ANKRD18B: variants seen among roughly 807,000 people sequenced by gnomAD.
ANKRD18B encodes ankyrin repeat domain 18B, also known as ankyrin repeat domain-containing protein 18B.
A neutral mutation model predicts 111.8 loss-of-function variants in ANKRD18B; 75 were observed. That is an observed-to-expected ratio of 0.67 (90% CI 0.56 to 0.81). The LOEUF is 0.81. Ranked by LOEUF, ANKRD18B falls within the 40% of genes least tolerant of loss-of-function variation. The pLI is 0.00. For missense variants in ANKRD18B, 1,038 were observed against 1,225.5 expected, an observed-to-expected ratio of 0.85 and a Z score of 2.28; for synonymous variants, 356 against 417.3, an observed-to-expected ratio of 0.85 and a Z score of 1.79.
intron 17 of ANKRD18B, among the ~76,000 whole-genome samples, chr9:33,570,034 C>T (rs1828746208): frequency 6.6e-6 from 1 of 152,186 alleles, no homozygotes; most frequent in South Asian, 2.1e-4. Context: ...ATAACAAAGA[C>T]ATGGAGTCAA....
In ANKRD18B at chr9:33,567,272, T is replaced by C. The variant is rs1463118621; in HGVS notation, c.2912T>C (p.Val971Ala). The C allele has an allele frequency of 6.5e-7, 1 of 1,547,664 alleles. No homozygotes were observed. Among genetic ancestry groups the C allele is most frequent in the Non-Finnish European group, 8.7e-7 (1 of 1,145,770 alleles). ...ELEEYKEAFA[V>A]ALKANSSMSE... The stretch of plus-strand genomic sequence containing the variant: ...GAAGAGTATAAGGAAGCCTTTGCAG[T>C]AGCATTGAAAGCTAACAGTTCCATG... The change falls in exon 16 of 19, where the codon GTA becomes GCA. Residue 971 changes from valine to alanine, a missense_variant. This residue lies in a region of ANKRD18B where 524 missense variants were observed against 677.9 expected (regional missense o/e 0.77). Transcript: ENST00000684830.
At position 33,528,739 on chromosome 9, in the gene ANKRD18B, T is replaced by A; in HGVS notation, c.219T>A (p.His73Gln). 1 of 1,611,972 alleles carries A rather than the reference T, an allele frequency of 6.2e-7. No homozygotes were observed. The highest frequency in any genetic ancestry group is 8.5e-7 in the Non-Finnish European group (1 of 1,179,080). The change falls in exon 2 of 19, where the codon CAT becomes CAA. Residue 73 changes from histidine (H) to glutamine (Q), a missense_variant. His to Gln is a conservative substitution (Grantham distance 24, BLOSUM62 0). Around this residue, in one of 4 missense-constraint regions of ANKRD18B, gnomAD observed 216 missense variants for 205.1 expected, o/e 1.05. Coordinates refer to ENST00000684830, the MANE Select transcript of ANKRD18B (RefSeq NM_001393611.1). Reference protein sequence around the residue: ...VRDRKDRTVLHLACAHGRVQV... With the variant: ...VRDRKDRTVLQLACAHGRVQV... ...CTCGCTCTCCTAGGACTGTTCTACA[T>A]TTGGCCTGTGCCCATGGCCGTGTGC...
chr9:33,565,103 C>A (rs574570720), intron 14 of ANKRD18B, among the ~76,000 whole-genome samples: 18 of 152,152 alleles, frequency 1.2e-4, no homozygotes, highest in Non-Finnish European at 2.2e-4. Context: ...AGACTAATGT[C>A]CTGAAGCATT....
chr9:33,536,877 G>T lies in ANKRD18B; in HGVS notation c.741-1G>T. On this transcript the variant is annotated splice_acceptor_variant, in intron 5 of 18. Coordinates refer to ENST00000684830, the MANE Select transcript of ANKRD18B (RefSeq NM_001393611.1). LOFTEE classifies it high-confidence loss of function. The stretch of plus-strand genomic sequence containing the variant: ...AATTTTATTACATTTATTATGCATA[G>T]CATCCAACAACAAATTTTGGAACAT... The T allele has an allele frequency of 6.8e-7, 1 of 1,466,432 alleles. No homozygotes were observed. Among genetic ancestry groups the T allele is most frequent in the South Asian group, 1.3e-5 (1 of 76,032 alleles). The allele number at this position is 1,466,432 out of a possible 1,614,324, so 90.8% of individuals were successfully genotyped here. A position where few individuals can be genotyped will look rare whatever the true frequency, so the allele number is the denominator to read the frequency against.
At chr9:33,547,912 C>A in intron 10 of ANKRD18B, 26 bp from the exon 11 acceptor site, 3 of 1,359,940 alleles carry the variant, frequency 2.2e-6, no homozygotes, top group South Asian at 1.8e-5. Flanking sequence ...TGAGTGCTAA[C>A]TAAAAATTTG....
intron 12 of ANKRD18B, among the ~76,000 whole-genome samples, chr9:33,552,092 T>C (rs1828455504): frequency 6.6e-6 from 1 of 152,250 alleles, no homozygotes; most frequent in Non-Finnish European, 1.5e-5. Flanking sequence ...TATTTTAGCT[T>C]GGCAGCTTTT....
intron 14 of ANKRD18B, among the ~76,000 whole-genome samples, chr9:33,560,998 T>TTATG (rs1361610252): frequency 1.9e-4 from 29 of 152,116 alleles, no homozygotes; most frequent in African/African-American, 7.0e-4. Context: ...CTGTAAACAT[T>TTATG]TATGTATGAG....
In ANKRD18B at chr9:33,524,655, C is replaced by T; in HGVS notation, c.166C>T (p.Arg56Cys). The T allele has an allele frequency of 6.4e-7, 1 of 1,551,138 alleles. No individual in the cohort carries two copies. The highest frequency in any genetic ancestry group is 2.4e-5 in the East Asian group (1 of 40,912). Residue 56 changes from arginine (R) to cysteine (C), a missense_variant, in exon 1 of 19, where the codon CGC becomes TGC. This residue lies in a region of ANKRD18B where 216 missense variants were observed against 205.1 expected (regional missense o/e 1.05). Transcript: ENST00000684830. ...DAAEVEHCLT[R>C]RFRDLDVRDR... is the part of the protein sequence containing the mutation. ...CGCAGAGGTGGAGCACTGCCTGACG[C>T]GCAGGTTCCGGGACTTGGACGTCCG...
chr9:33,527,479 GC>G (rs1563897750), intron 1 of ANKRD18B, among the ~76,000 whole-genome samples: 3 of 151,744 alleles, frequency 2.0e-5, no homozygotes, highest in Admixed American at 1.3e-4. Flanking sequence ...CTGCCACCAC[GC>G]CCAGCTAATT....
In ANKRD18B at chr9:33,524,783, G is replaced by A. The variant is rs1828003297; in HGVS notation, c.206+88G>A. On this transcript the variant is annotated intron_variant, in intron 1 of 18. Coordinates refer to ENST00000684830, the MANE Select transcript of ANKRD18B (RefSeq NM_001393611.1). ...AGGCGGGGTCGTCGGAGTTCGCCGG[G>A]ACCCTGGGAGCCGCGGAGCCAAATG... is the stretch of plus-strand genomic sequence containing the variant. The A allele has an allele frequency of 5.5e-6, 8 of 1,447,780 alleles. No homozygotes were observed. The Admixed American group carries it at 1.8e-4, about 32-fold the overall frequency. 89.7% of individuals were successfully genotyped at this position (1,447,780 alleles called of 1,614,324 possible). A position where few individuals can be genotyped will look rare whatever the true frequency, so the allele number is the denominator to read the frequency against.
intron 1 of ANKRD18B, 37 bp downstream of exon 1, chr9:33,524,732 C>T (rs1156650315): frequency 2.0e-6 from 3 of 1,530,654 alleles, no homozygotes; most frequent in Admixed American, 4.1e-5. Context: ...AGGGGGCCCC[C>T]AGGCCCGGTT....
At position 33,572,872 on chromosome 9, in the gene ANKRD18B, A is replaced by C. The variant is rs1563910922; in HGVS notation, c.*438A>C. 1 of 392,644 alleles carries C rather than the reference A, an allele frequency of 2.5e-6. No individual in the cohort carries two copies. Among genetic ancestry groups the C allele is most frequent in the African/African-American group, 2.2e-5 (1 of 46,220 alleles). 24.3% of individuals were successfully genotyped at this position (392,644 alleles called of 1,614,324 possible). On this transcript the variant is annotated 3_prime_UTR_variant, in exon 19 of 19. Coordinates refer to ENST00000684830, the MANE Select transcript of ANKRD18B (RefSeq NM_001393611.1). ...TGTAAATATCTGGTTACTCCTCAAA[A>C]CCCACTAGATTTAGCATTTCATGGA...
chr9:33,545,798 C>G (rs1387284975), intron 10 of ANKRD18B, among the ~76,000 whole-genome samples: 1 of 152,166 alleles, frequency 6.6e-6, no homozygotes, highest in African/African-American at 2.4e-5. Flanking sequence ...AAAAGAGGTT[C>G]CCTTGCTGCT....
chr9:33,564,448 T>C (rs558552173), intron 14 of ANKRD18B, among the ~76,000 whole-genome samples: 14 of 152,332 alleles, frequency 9.2e-5, no homozygotes, highest in Middle Eastern at 3.4e-3. Flanking sequence ...CATTTGTTGA[T>C]GGACATGTAG....
At position 33,567,322 on chromosome 9, in the gene ANKRD18B, A is replaced by G; in HGVS notation, c.2954+8A>G. 6.5e-7 allele frequency: 1 copy of G among 1,537,112 alleles called. No individual in the cohort carries two copies. ...GTCAGAAAAAATAACGAAGTAAGTC[A>G]AAACATATACTCATAGAAAATGAAT... On this transcript the variant is annotated splice_region_variant and intron_variant, in intron 16 of 18. Transcript: ENST00000684830.
At chr9:33,554,473 C>T (rs1389674724) in intron 12 of ANKRD18B, among the ~76,000 whole-genome samples, 2 of 152,104 alleles carry the variant, frequency 1.3e-5, no homozygotes, top group African/African-American at 2.4e-5. Context: ...TCCAGGTTAA[C>T]GTTTTGAGAT....
chr9:33,528,454 G>T (rs1828058458), intron 1 of ANKRD18B, among the ~76,000 whole-genome samples: 1 of 152,198 alleles, frequency 6.6e-6, no homozygotes, highest in Non-Finnish European at 1.5e-5. Flanking sequence ...GCACAGAAAG[G>T]CTAAGCAATA....
intron 12 of ANKRD18B, among the ~76,000 whole-genome samples, chr9:33,552,698 C>T (rs1174338551): frequency 2.0e-5 from 3 of 152,004 alleles, no homozygotes; most frequent in Non-Finnish European, 4.4e-5. Flanking sequence ...TAGGAGGCCA[C>T]TTCCATTGGA....
intron 13 of ANKRD18B, among the ~76,000 whole-genome samples, chr9:33,557,431 A>G (rs1000231664): frequency 3.9e-5 from 6 of 152,048 alleles, no homozygotes; most frequent in African/African-American, 1.4e-4. Context: ...TATGCCTTAT[A>G]TTTACTAATA....
Sources: allele counts gnomAD v4.1 joint callset (sites outside exome capture counted in the v4.1 genomes callset), GRCh38; gene constraint gnomAD v4.1.1; regional missense constraint gnomAD v4.1.1; transcripts MANE v1.5; gene names NCBI Gene and HGNC (gene_info 2026-07-23, HGNC 2026-07-21).